The following CPO variants were observed in gnomAD, a reference collection of about 807,000 sequenced individuals.
CPO encodes the protein carboxypeptidase O, also known as metallocarboxypeptidase C.
A neutral mutation model predicts 41.2 loss-of-function variants in CPO; 43 were observed. The observed-to-expected ratio is 1.04, with a 90% CI of 0.82 to 1.35. The LOEUF (loss-of-function observed/expected upper bound fraction) is 1.35. Ranked by LOEUF, CPO falls within the 40% of genes most tolerant of loss-of-function variation. CPO has a pLI of 0.00. For synonymous variants in CPO, 178 were observed against 162.7 expected (o/e 1.09, Z -0.72); for missense variants, 408 against 451.7 (o/e 0.90, Z 0.88).
chr2:206,944,825 G>A (rs1693113317), intron 1 of CPO, among the ~76,000 whole-genome samples: 1 of 151,980 alleles, frequency 6.6e-6, no homozygotes, highest in Admixed American at 6.6e-5. Context: ...GGTACATGAT[G>A]CTAAGTGAAC....
At chr2:206,947,295 A>G (rs1414158395) in intron 1 of CPO, among the ~76,000 whole-genome samples, 1 of 152,208 alleles carries the variant, frequency 6.6e-6, no homozygotes, top group African/African-American at 2.4e-5. Context: ...GATCTTTGAC[A>G]AAGGAACAAA....
rs1177976859 is a variant in CPO, at chr2:206,963,953, AC to A, written c.777+1341del. ...AGAGGCTGCTCCATTTGATATTCCCACCAACAGTACATAAGGGTTTCTCCAC... is the reference window on the plus strand; with the variant it reads ...AGAGGCTGCTCCATTTGATATTCCCACAACAGTACATAAGGGTTTCTCCAC... On this transcript the variant is annotated intron_variant, in intron 7 of 8. Transcript: ENST00000272852. 2.6e-5 allele frequency among the ~76,000 whole-genome samples: 4 copies of A among 152,168 alleles called. No individual in the cohort carries two copies. The East Asian group carries it at 7.7e-4, about 29-fold the overall frequency.
chr2:206,962,259 C>G (rs1444816032), intron 6 of CPO, among the ~76,000 whole-genome samples, 153 bp from the exon 7 acceptor site: 2 of 152,140 alleles, frequency 1.3e-5, no homozygotes, highest in Non-Finnish European at 2.9e-5. Context: ...CAGTGACTAT[C>G]CAAGTTGACT....
chr2:206,940,787 T>G (rs1405343519), intron 1 of CPO, among the ~76,000 whole-genome samples: 1 of 152,122 alleles, frequency 6.6e-6, no homozygotes, highest in East Asian at 1.9e-4. Context: ...TGCAATGAAC[T>G]TGCTCTCACA....
intron 7 of CPO, among the ~76,000 whole-genome samples, chr2:206,967,503 G>C (rs1156709826): frequency 6.6e-6 from 1 of 152,004 alleles, no homozygotes; most frequent in Admixed American, 6.6e-5. Flanking sequence ...ATCAGGTAAG[G>C]CCTCTTGGAG....
Position 206,969,158 on chromosome 2 carries a change from A to C in CPO, c.863-16A>C. On this transcript the variant is annotated splice_polypyrimidine_tract_variant and intron_variant, in intron 8 of 8. Transcript: ENST00000272852. ...AAGTATGACTTCTACCTCTGCCTTC[A>C]TGTTTTCACCTGTAGATGCCTCATC... is the stretch of plus-strand genomic sequence containing the variant. 2 of 1,612,132 alleles carry C rather than the reference A, an allele frequency of 1.2e-6. No individual in the cohort carries two copies. Among genetic ancestry groups the C allele is most frequent in the Non-Finnish European group, 1.7e-6 (2 of 1,178,274 alleles).
At chr2:206,953,647 G>C (rs568180081) in intron 2 of CPO, among the ~76,000 whole-genome samples, 1 of 152,348 alleles carries the variant, frequency 6.6e-6, no homozygotes, top group South Asian at 2.1e-4. Context: ...CCATTCTGGG[G>C]TCTGGAGAAT....
At chr2:206,943,674 T>TGATTGATA (rs1553510272) in intron 1 of CPO, among the ~76,000 whole-genome samples, 2 of 106,536 alleles carry the variant, frequency 1.9e-5, no homozygotes, top group African/African-American at 6.2e-5. Context: ...GATAGATAGA[T>TGATTGATA]GATAGATAGA....
In CPO at chr2:206,969,420, G is replaced by C. The variant is rs780478144; in HGVS notation, c.1109G>C (p.Cys370Ser). ...ATGCTGCTGGGCCTGCTGGTGTCCT[G>C]CATGTCTCTTCTCTAAGTGCATTCT... ...ATMLLGLLVS[C>S]MSLL is the part of the protein sequence containing the mutation. Residue 370 changes from cysteine (C) to serine (S), a missense_variant, in exon 9 of 9, where the codon TGC becomes TCC. Physicochemically the swap from Cys to Ser is moderately radical, Grantham distance 112 (BLOSUM62 -1). Coordinates refer to ENST00000272852, the MANE Select transcript of CPO (RefSeq NM_173077.3). 8.7e-6 allele frequency: 14 copies of C among 1,614,050 alleles called. No individual in the cohort carries two copies. The South Asian group carries it at 1.4e-4, about 16-fold the overall frequency.
At chr2:206,958,520 T>C (rs1693416126) in intron 4 of CPO, 115 bp downstream of exon 4, 1 of 559,140 alleles carries the variant, frequency 1.8e-6, no homozygotes, top group Admixed American at 3.3e-5. Flanking sequence ...CTCTTTACTG[T>C]GCTAATCCTT....
chr2:206,943,691 G>T (rs1226310530), intron 1 of CPO, among the ~76,000 whole-genome samples: 1 of 110,660 alleles, frequency 9.0e-6, no homozygotes, highest in Non-Finnish European at 2.0e-5. Flanking sequence ...TAGATAGATA[G>T]ATAGATAGAT....
chr2:206,962,461 GCCAGTGTCTGAA>G lies in CPO; in HGVS notation c.629_640del (p.Val210_Pro213del), dbSNP rs1693497890. The G allele has an allele frequency of 1.2e-6, 2 of 1,613,988 alleles. No homozygotes were observed. The highest frequency in any genetic ancestry group is 2.2e-5 in the South Asian group (2 of 91,088). On this transcript the variant is annotated inframe_deletion, in exon 7 of 9. Transcript: ENST00000272852. ...AAGATCAAACATTCTGTGGGACAGGGCCAGTGTCTGAACCAGAGACTAAAGCTGTTGCCAGCT... is the reference window on the plus strand; with the variant it reads ...AAGATCAAACATTCTGTGGGACAGGGCCAGAGACTAAAGCTGTTGCCAGCT...
chr2:206,968,129 G>C, intron 7 of CPO, 134 bp from the exon 8 acceptor site: 2 of 700,756 alleles, frequency 2.9e-6, no homozygotes, highest in South Asian at 1.5e-5. Context: ...AGGCTACCTA[G>C]ATGTAGATGT....
At chr2:206,964,541 A>G (rs2105829147) in intron 7 of CPO, among the ~76,000 whole-genome samples, 1 of 152,304 alleles carries the variant, frequency 6.6e-6, no homozygotes, top group East Asian at 1.9e-4. Context: ...CACATTCATC[A>G]TCCCACTACC....
At chr2:206,961,449 T>C (rs1310704058) in intron 6 of CPO, among the ~76,000 whole-genome samples, 2 of 152,136 alleles carry the variant, frequency 1.3e-5, no homozygotes, top group South Asian at 4.1e-4. Flanking sequence ...TTGGCAGCTG[T>C]GTGGTCTTGA....
At position 206,958,245 on chromosome 2, in the gene CPO, A is replaced by C. The variant is rs1574353103; in HGVS notation, c.268-56A>C. 9 of 914,370 alleles carry C rather than the reference A, an allele frequency of 9.8e-6. No homozygotes were observed. The East Asian group carries it at 2.5e-4, about 25-fold the overall frequency. The allele number at this position is 914,370 out of a possible 1,614,324, so 56.6% of individuals were successfully genotyped here. On this transcript the variant is annotated intron_variant, in intron 3 of 8. Transcript: ENST00000272852. ...AATTAAAAATCTCATAACTTTGCAC[A>C]GTGGCTTACAATAATCAGCAATTGT...
At chr2:206,941,833 A>C (rs915713331) in intron 1 of CPO, among the ~76,000 whole-genome samples, 3 of 152,062 alleles carry the variant, frequency 2.0e-5, no homozygotes, top group Non-Finnish European at 4.4e-5. Context: ...GCATTTAGGG[A>C]GGTAATCTCC....
chr2:206,955,940 AAAG>A (rs1431099160), intron 3 of CPO, among the ~76,000 whole-genome samples: 2 of 152,220 alleles, frequency 1.3e-5, no homozygotes, highest in African/African-American at 4.8e-5. Flanking sequence ...TTTTTTAAAA[AAAG>A]AAAAATGTTT....
intron 1 of CPO, among the ~76,000 whole-genome samples, chr2:206,947,853 C>T (rs1325657846): frequency 6.6e-6 from 1 of 152,122 alleles, no homozygotes. Flanking sequence ...GATGATAATA[C>T]TTGTTAATAA....
Sources: allele counts gnomAD v4.1 joint callset (sites outside exome capture counted in the v4.1 genomes callset), GRCh38; gene constraint gnomAD v4.1.1; transcripts MANE v1.5; gene names NCBI Gene and HGNC (gene_info 2026-07-23, HGNC 2026-07-21).